The following SPTBN5 variants were observed in gnomAD, a reference collection of about 807,000 sequenced individuals.
SPTBN5 encodes spectrin beta chain, non-erythrocytic 5.
In SPTBN5, 513 loss-of-function variants were observed where a neutral mutation model predicts 477.6. That is an observed-to-expected ratio of 1.07 (90% CI 1.00 to 1.16). SPTBN5 has a LOEUF of 1.16. SPTBN5 is among the 50% of genes most tolerant of loss of function. The pLI is 0.00. For synonymous variants in SPTBN5, 2,169 were observed against 2,011.7 expected (o/e 1.08, Z -2.09); for missense variants, 5,062 against 4,731.8 (o/e 1.07, Z -2.05).
In SPTBN5 at chr15:41,857,457, T is replaced by C. The variant is rs751217288; in HGVS notation, c.8402A>G (p.Asn2801Ser). The change falls in exon 51 of 68, where the codon AAC (asparagine) becomes AGC (serine). Residue 2801 changes from asparagine (N) to serine (S), a missense_variant. Transcript: ENST00000320955. ...CTCAACCTCGATGGGCTCCAGCCAG[T>C]TCTCCAGTTCCTCCATGCTCCGCCG... ...RLRRSMEELE[N>S]WLEPIEVELR... The C allele has an allele frequency of 6.2e-7, 1 of 1,608,848 alleles. No homozygotes were observed. Among genetic ancestry groups the C allele is most frequent in the Non-Finnish European group, 8.5e-7 (1 of 1,177,498 alleles).
intron 29 of SPTBN5, 39 bp from the exon 30 acceptor site, chr15:41,870,599 GC>G: frequency 6.5e-7 from 1 of 1,546,336 alleles, no homozygotes; most frequent in Non-Finnish European, 8.8e-7. Context: ...GGGATCAGCT[GC>G]CGGGCCGTGT....
chr15:41,890,259 C>A, intron 3 of SPTBN5, 54 bp from the exon 4 acceptor site: 1 of 1,319,876 alleles, frequency 7.6e-7, no homozygotes, highest in South Asian at 1.2e-5. Context: ...AGAGAGGACT[C>A]AGTCACCAAA....
At position 41,848,381 on chromosome 15, in the gene SPTBN5, G is replaced by C. The variant is rs1490238869; in HGVS notation, c.*235C>G. ...TTGCCCACCTGCTCTGCCGTAACAC[G>C]TCTCCTCTTCACCCAGACAGGAATG... On this transcript the variant is annotated 3_prime_UTR_variant, in exon 68 of 68. Transcript: ENST00000320955. 5 of 604,380 alleles carry C rather than the reference G, an allele frequency of 8.3e-6. No homozygotes were observed. Among genetic ancestry groups the C allele is most frequent in the Middle Eastern group, 4.5e-4 (1 of 2,226 alleles). 37.4% of individuals were successfully genotyped at this position (604,380 alleles called of 1,614,324 possible).
In SPTBN5 at chr15:41,871,796, G is replaced by A; in HGVS notation, c.5287C>T (p.Pro1763Ser). The A allele has an allele frequency of 6.3e-7, 1 of 1,589,286 alleles. No individual in the cohort carries two copies. Among genetic ancestry groups the A allele is most frequent in the Non-Finnish European group, 8.6e-7 (1 of 1,167,896 alleles). ...CCTCTTCTCACCAGGGCGTGCTCGG[G>A]GTCCTCTCCCAGGCTCTCCCCTCCT... is the stretch of plus-strand genomic sequence containing the variant. The part of the protein sequence containing the change: ...AKGGESLGED[P>S]EHALHLCTKF... Residue 1763 changes from proline (P) to serine (S), a missense_variant, in exon 28 of 68, where the codon CCC becomes TCC. By Grantham distance (74) the Pro-to-Ser change is moderately conservative (BLOSUM62 -1). Coordinates refer to ENST00000320955, the MANE Select transcript of SPTBN5 (RefSeq NM_016642.4).
In SPTBN5 at chr15:41,883,119, C is replaced by T; in HGVS notation, c.1769G>A (p.Ser590Asn). Residue 590 changes from serine to asparagine, a missense_variant, in exon 9 of 68, where the codon AGC (serine) becomes AAC (asparagine). Coordinates refer to ENST00000320955, the MANE Select transcript of SPTBN5 (RefSeq NM_016642.4). The stretch of plus-strand genomic sequence containing the variant: ...CTCTGCTGTCTGCTGAGCAAGATGG[C>T]TCACATGGGCTCCGTGGGCCGAGAC... ...AQVSAHGAHV[S>N]HLAQQTAELD... 2 of 1,612,100 alleles carry T rather than the reference C, an allele frequency of 1.2e-6. No individual in the cohort carries two copies. The highest frequency in any genetic ancestry group is 2.2e-5 in the South Asian group (2 of 90,708).
intron 4 of SPTBN5, 23 bp downstream of exon 4, chr15:41,890,066 G>C: frequency 6.5e-7 from 1 of 1,530,154 alleles, no homozygotes; most frequent in Non-Finnish European, 9.0e-7. Context: ...ACCAGGTGCT[G>C]GGTACTGGGG....
In SPTBN5 at chr15:41,862,901, T is replaced by C; in HGVS notation, c.7152A>G (p.Glu2384=). 6.4e-7 allele frequency: 1 copy of C among 1,572,580 alleles called. No homozygotes were observed. Among genetic ancestry groups the C allele is most frequent in the Non-Finnish European group, 8.6e-7 (1 of 1,159,702 alleles). The change falls in exon 42 of 68, where the codon GAA becomes GAG. Residue 2384 remains glutamate (E), a splice_region_variant and synonymous_variant. Transcript: ENST00000320955. ...DNVTKRIQEK[E]ALIQALDCGK... ...CACAGTCCAGGGCCTGGATCAGGGC[T>C]TCCTGGAGGAGGGGCACGGCCAGTT...
At chr15:41,852,141 G>T (rs1348482779) in intron 62 of SPTBN5, 41 bp downstream of exon 62, 5 of 1,539,440 alleles carry the variant, frequency 3.2e-6, no homozygotes, top group South Asian at 2.5e-5. Flanking sequence ...GCTTCAGGGA[G>T]ACCACGGCGG....
At position 41,854,883 on chromosome 15, in the gene SPTBN5, C is replaced by T. The variant is rs769713417; in HGVS notation, c.9517G>A (p.Glu3173Lys). 9 of 1,609,456 alleles carry T rather than the reference C, an allele frequency of 5.6e-6. No individual in the cohort carries two copies. Among genetic ancestry groups the T allele is most frequent in the South Asian group, 1.1e-5 (1 of 90,586 alleles). ...YALRKLAGTL[E>K]RGAPRRYPHI... ...GGATAGCGCCTGGGTGCACCCCGCT[C>T]CAGGGTGCCTGCCAACTTCCTCAGG... The change falls in exon 56 of 68, where the codon GAG becomes AAG. Residue 3173 changes from glutamate (E) to lysine (K), a missense_variant. Coordinates refer to ENST00000320955, the MANE Select transcript of SPTBN5 (RefSeq NM_016642.4).
chr15:41,879,288 C>T lies in SPTBN5; in HGVS notation c.3154G>A (p.Val1052Ile). The T allele has an allele frequency of 6.2e-7, 1 of 1,611,956 alleles. No individual in the cohort carries two copies. The highest frequency in any genetic ancestry group is 8.5e-7 in the Non-Finnish European group (1 of 1,179,828). The change falls in exon 16 of 68, where the codon GTC becomes ATC. Residue 1052 changes from valine to isoleucine, a missense_variant. Val to Ile is a conservative substitution (Grantham distance 29). Coordinates refer to ENST00000320955, the MANE Select transcript of SPTBN5 (RefSeq NM_016642.4). ...QKKTLVLERR[V>I]HFLQSVVVKV... ...ACGACCACACTTTGGAGGAAGTGGA[C>T]CCTCCTCTCCAGCACCAGGGTCTTC...
At position 41,861,833 on chromosome 15, in the gene SPTBN5, T is replaced by C. The variant is rs752219886; in HGVS notation, c.7639A>G (p.Ile2547Val). 34 of 1,605,150 alleles carry C rather than the reference T, an allele frequency of 2.1e-5. No homozygotes were observed. Among genetic ancestry groups the C allele is most frequent in the Non-Finnish European group, 2.8e-5 (33 of 1,178,676 alleles). ...TCTAAGCCAGCCAGCACCTGGCGAATGTCGGAGCTGAAGGGGTGCCCCGCT... is the reference window on the plus strand; with the variant it reads ...TCTAAGCCAGCCAGCACCTGGCGAACGTCGGAGCTGAAGGGGTGCCCCGCT... The part of the protein sequence containing the change: ...LTAGHPFSSD[I>V]RQVLAGLEQE... The change falls in exon 45 of 68, where the codon ATT becomes GTT. Residue 2547 changes from isoleucine (I) to valine (V), a missense_variant. Ile to Val is a conservative substitution (Grantham distance 29, BLOSUM62 3). Coordinates refer to ENST00000320955, the MANE Select transcript of SPTBN5 (RefSeq NM_016642.4).
intron 21 of SPTBN5, 137 bp downstream of exon 21, chr15:41,875,977 G>C: frequency 9.2e-7 from 1 of 1,089,906 alleles, no homozygotes; most frequent in Non-Finnish European, 1.3e-6. Context: ...GCATCAAGGA[G>C]GCTTGCAGGG....
intron 14 of SPTBN5, 102 bp downstream of exon 14, chr15:41,880,058 C>A: frequency 1.4e-6 from 2 of 1,452,696 alleles, no homozygotes; most frequent in Non-Finnish European, 1.8e-6. Context: ...CTCCCCTCCC[C>A]CAGGCAGGAC....
chr15:41,867,667 C>T (rs767514806), intron 34 of SPTBN5, 25 bp from the exon 35 acceptor site: 10 of 1,605,986 alleles, frequency 6.2e-6, no homozygotes, highest in African/African-American at 1.3e-5. Context: ...AAGTCAGAGG[C>T]CACCAAGCCT....
chr15:41,857,600 C>A lies in SPTBN5; in HGVS notation c.8337G>T (p.Lys2779Asn). 1 of 1,609,012 alleles carries A rather than the reference C, an allele frequency of 6.2e-7. No homozygotes were observed. Among genetic ancestry groups the A allele is most frequent in the East Asian group, 2.2e-5 (1 of 44,758 alleles). ...CACAGGCCTTCTGGAGCTTGGCCAC[C>A]TTCTTCTGGGAGTTGTCTTGCAGCT... ...WGELQDNSQK[K>N]VAKLQKACEA... Residue 2779 changes from lysine to asparagine, a missense_variant, in exon 50 of 68, where the codon AAG (lysine) becomes AAT (asparagine). Lys to Asn is a moderately conservative substitution (Grantham distance 94). Coordinates refer to ENST00000320955, the MANE Select transcript of SPTBN5 (RefSeq NM_016642.4).
In SPTBN5 at chr15:41,852,830, G is replaced by A. The variant is rs1402112945; in HGVS notation, c.10341C>T (p.Asp3447=). ...GGGCAGGACCCCCACTCACCCCATA[G>A]TCGGGCTTCAGCAGGAGTCCCTCCC... The part of the protein sequence containing the change: ...ACWEGLLLKP[D]YGHSVSDVEL... The change falls in exon 60 of 68, where the codon GAC becomes GAT. Residue 3447 remains aspartate (D), a synonymous_variant. Coordinates refer to ENST00000320955, the MANE Select transcript of SPTBN5 (RefSeq NM_016642.4). 4.4e-6 allele frequency: 7 copies of A among 1,607,772 alleles called. No homozygotes were observed. Among genetic ancestry groups the A allele is most frequent in the Non-Finnish European group, 6.0e-6 (7 of 1,176,330 alleles).
In SPTBN5 at chr15:41,853,405, C is replaced by T; in HGVS notation, c.10023G>A (p.Glu3341=). 2 of 1,603,466 alleles carry T rather than the reference C, an allele frequency of 1.2e-6. No homozygotes were observed. The highest frequency in any genetic ancestry group is 3.4e-5 in the Admixed American group (2 of 59,512). Residue 3341 remains glutamate (E), a synonymous_variant, in exon 59 of 68, where the codon GAG becomes GAA. Transcript: ENST00000320955. ...CAGCCCCCGCCACGTCCTCAGCCAG[C>T]TCCTCGGAGGACGCCAGCTCCTGCC... is the stretch of plus-strand genomic sequence containing the variant. ...QERQELASSE[E]LAEDVAGAEQ...
In SPTBN5 at chr15:41,857,588, G is replaced by A. The variant is rs762858057; in HGVS notation, c.8349C>T (p.Leu2783=). ...ACAACCTCACCTCACAGGCCTTCTGGAGCTTGGCCACCTTCTTCTGGGAGT... is the reference window on the plus strand; with the variant it reads ...ACAACCTCACCTCACAGGCCTTCTGAAGCTTGGCCACCTTCTTCTGGGAGT... The part of the protein sequence containing the change: ...QDNSQKKVAK[L]QKACEALRLR... Residue 2783 remains leucine, a synonymous_variant, in exon 50 of 68, where the codon CTC becomes CTT. Coordinates refer to ENST00000320955, the MANE Select transcript of SPTBN5 (RefSeq NM_016642.4). The A allele has an allele frequency of 2.5e-6, 4 of 1,609,408 alleles. No individual in the cohort carries two copies. In the South Asian group the frequency reaches 3.3e-5, roughly 13 times the overall value.
rs749507990 is a variant in SPTBN5 at position 41,885,905 on chromosome 15, G to T, written c.1350C>A (p.Asp450Glu). 3.0e-5 allele frequency: 48 copies of T among 1,584,796 alleles called. No homozygotes were observed. Among genetic ancestry groups the T allele is most frequent in the Non-Finnish European group, 4.1e-5 (48 of 1,165,846 alleles). The change falls in exon 7 of 68, where the codon GAC becomes GAA. Residue 450 changes from aspartate to glutamate, a missense_variant. By Grantham distance (45) the Asp-to-Glu change is conservative. Transcript: ENST00000320955. ...SFLKDAEQVL[D>E]QARAPPASLA... ...GGCTGGCTGGCGGGGCTCTGGCCTG[G>T]TCTAGCACCTGCTCTGCATCCTTAA...
Sources: gnomAD v4.1 joint callset for allele counts on GRCh38, gnomAD v4.1.1 for gene constraint, MANE v1.5 for transcripts, NCBI Gene and HGNC (gene_info 2026-07-23, HGNC 2026-07-21) for gene names.